Variants in C9orf85 observed in about 807,000 individuals in gnomAD.
The protein encoded by C9orf85 is uncharacterized protein C9orf85.
Under a neutral mutation model 14.9 loss-of-function variants are expected in C9orf85, and 16 were observed. The ratio of observed to expected loss-of-function variants is 1.08; its 90% CI spans 0.73 to 1.63. The LOEUF (loss-of-function observed/expected upper bound fraction) is 1.63. C9orf85 is among the 40% of genes most tolerant of loss of function. The probability of loss-of-function intolerance (pLI) is 0.00; values close to 1 mark genes in which losing one functional copy is unlikely to be tolerated. For missense variants in C9orf85, 172 were observed against 186.1 expected (o/e 0.92, Z 0.44); for synonymous variants, 45 against 56.8 (o/e 0.79, Z 0.93).
chr9:71,973,838 T>G (rs1267031736), downstream of C9orf85, among the ~76,000 whole-genome samples: 2 of 143,904 alleles, frequency 1.4e-5, no homozygotes, highest in East Asian at 2.1e-4. Context: ...ACAATATAAA[T>G]TAGCTTGGTC....
chr9:71,971,657 G>A (rs770508210), intron 3 of C9orf85, 39 bp downstream of exon 3: 1 of 1,305,096 alleles, frequency 7.7e-7, no homozygotes, highest in Non-Finnish European at 1.1e-6. Flanking sequence ...TACTCTTAGT[G>A]ATTGATACAT....
chr9:71,963,706 T>G (rs886910534), intron 2 of C9orf85, among the ~76,000 whole-genome samples: 1 of 152,198 alleles, frequency 6.6e-6, no homozygotes, highest in Non-Finnish European at 1.5e-5. Flanking sequence ...GAGGGTGTAC[T>G]GGGTCCCCCA....
chr9:71,967,895 G>A (rs1194374330), intron 2 of C9orf85, among the ~76,000 whole-genome samples: 1 of 151,812 alleles, frequency 6.6e-6, no homozygotes, highest in South Asian at 2.1e-4. Flanking sequence ...CTGTTTTTAG[G>A]TTGAGAGTGT....
intron 2 of C9orf85, among the ~76,000 whole-genome samples, chr9:71,964,367 G>A (rs372123815): frequency 6.6e-6 from 1 of 151,974 alleles, no homozygotes; most frequent in East Asian, 1.9e-4. Context: ...TGGAAGCTTG[G>A]TTCTTTGCAA....
At position 71,971,520 on chromosome 9, in the gene C9orf85, A is replaced by G. The variant is rs113134903; in HGVS notation, c.225A>G (p.Gln75=). The G allele has an allele frequency of 7.7e-4, 1,220 of 1,591,096 alleles. 12 individuals are homozygous for G. The African/African-American group carries it at 0.013, about 17-fold the overall frequency. Residue 75 remains glutamine, a synonymous_variant, in exon 3 of 4, where the codon CAA becomes CAG. Coordinates refer to ENST00000334731, the MANE Select transcript of C9orf85 (RefSeq NM_182505.5). ...SKPKKCVKCL[Q]KTVKDSYHIM... The stretch of plus-strand genomic sequence containing the variant: ...TTTATTTTAGTGTTAAATGTTTACA[A>G]AAGACAGTGAAGGATTCTTATCACA...
intron 1 of C9orf85, among the ~76,000 whole-genome samples, chr9:71,912,497 A>G (rs995849524): frequency 1.3e-5 from 2 of 152,168 alleles, no homozygotes; most frequent in Non-Finnish European, 2.9e-5. Context: ...CTGTAATCCC[A>G]GCACTTTGGG....
downstream of C9orf85, among the ~76,000 whole-genome samples, chr9:71,976,638 G>A (rs1823003655): frequency 6.6e-6 from 1 of 150,520 alleles, no homozygotes; most frequent in South Asian, 2.1e-4. Flanking sequence ...CTCCAGCCTG[G>A]GACACAGAGC....
intron 1 of C9orf85, among the ~76,000 whole-genome samples, chr9:71,927,740 ATAAGT>A (rs1827965752): frequency 1.3e-5 from 2 of 152,256 alleles, no homozygotes; most frequent in Admixed American, 6.5e-5. Context: ...AAAATAGCTG[ATAAGT>A]TCTTGAAGTA....
intron 2 of C9orf85, among the ~76,000 whole-genome samples, chr9:71,964,227 A>C (rs964210045): frequency 1.3e-5 from 2 of 152,132 alleles, no homozygotes; most frequent in Non-Finnish European, 2.9e-5. Context: ...TAAACGCACC[A>C]GTCAGCGCCC....
chr9:71,940,399 G>A lies in C9orf85; in HGVS notation c.103-6607G>A, dbSNP rs763341036. On this transcript the variant is annotated intron_variant, in intron 1 of 3. Transcript: ENST00000334731. Reference sequence around the variant, plus strand: ...CAGTGAGCTATGATCATGCCACTGCGCTCAAGCCTGGGCAACAGAGTGAGA... The same window carrying A: ...CAGTGAGCTATGATCATGCCACTGCACTCAAGCCTGGGCAACAGAGTGAGA... 2.8e-4 allele frequency among the ~76,000 whole-genome samples: 42 copies of A among 152,098 alleles called. 1 individual carries two copies. Among genetic ancestry groups the A allele is most frequent in the Non-Finnish European group, 2.8e-4 (19 of 67,984 alleles).
chr9:71,918,870 T>A (rs1316568883), intron 1 of C9orf85, among the ~76,000 whole-genome samples: 1 of 152,128 alleles, frequency 6.6e-6, no homozygotes, highest in Admixed American at 6.6e-5. Context: ...ATAATATAAA[T>A]AAAGTGTACA....
At chr9:71,930,803 C>CAAAAAAAAAAA (rs747596247) in intron 1 of C9orf85, among the ~76,000 whole-genome samples, 1 of 61,028 alleles carries the variant, frequency 1.6e-5, no homozygotes, top group Non-Finnish European at 3.1e-5. Context: ...GACCCTGTCT[C>CAAAAAAAAAAA]AAAAAAAAAA....
intron 1 of C9orf85, among the ~76,000 whole-genome samples, chr9:71,915,526 G>C (rs1294537212): frequency 6.6e-6 from 1 of 152,012 alleles, no homozygotes; most frequent in East Asian, 1.9e-4. Context: ...TAAGAATAAA[G>C]CCCATAATAA....
chr9:71,967,191 A>G lies in C9orf85; in HGVS notation c.210-4314A>G, dbSNP rs144885664. On this transcript the variant is annotated intron_variant, in intron 2 of 3. Transcript: ENST00000334731. ...GGGTTCTTCTTCTAGAAGTTGTATA[A>G]TTCTTGATTTTATATTTGAATTTAT... Among the ~76,000 whole-genome samples the G allele has an allele frequency of 2.8e-3, 427 of 152,276 alleles. 5 individuals are homozygous for G. Among genetic ancestry groups the G allele is most frequent in the African/African-American group, 9.8e-3 (406 of 41,558 alleles).
chr9:71,964,273 G>A (rs952391173), intron 2 of C9orf85, among the ~76,000 whole-genome samples: 1 of 152,112 alleles, frequency 6.6e-6, no homozygotes, highest in African/African-American at 2.4e-5. Context: ...CCAATCAGCA[G>A]GATGTGGGTG....
chr9:71,949,551 A>G (rs905010325), intron 2 of C9orf85, among the ~76,000 whole-genome samples: 1 of 152,134 alleles, frequency 6.6e-6, no homozygotes, highest in African/African-American at 2.4e-5. Flanking sequence ...CTACCAGTCT[A>G]AGTTCTCACC....
chr9:71,970,242 C>T (rs961116070), intron 2 of C9orf85, among the ~76,000 whole-genome samples: 1 of 152,170 alleles, frequency 6.6e-6, no homozygotes, highest in African/African-American at 2.4e-5. Flanking sequence ...GCCACGGCAC[C>T]CGGCCAGTTT....
intron 2 of C9orf85, among the ~76,000 whole-genome samples, chr9:71,969,941 A>T (rs1346299786): frequency 2.7e-5 from 2 of 75,392 alleles, no homozygotes; most frequent in Non-Finnish European, 5.2e-5. Context: ...TATAAATTTC[A>T]GGGTTTTTTC....
intron 1 of C9orf85, among the ~76,000 whole-genome samples, chr9:71,927,499 T>G (rs1564084816): frequency 6.6e-6 from 1 of 152,152 alleles, no homozygotes; most frequent in Non-Finnish European, 1.5e-5. Context: ...CAACCAAACC[T>G]AGGGATTAAA....
Sources: gnomAD v4.1 joint callset for allele counts (sites outside exome capture counted in the v4.1 genomes callset) on GRCh38, gnomAD v4.1.1 for gene constraint, MANE v1.5 for transcripts, NCBI Gene and HGNC (gene_info 2026-07-23, HGNC 2026-07-21) for gene names.